The following FBXL17 variants were observed in gnomAD, a reference collection of about 807,000 sequenced individuals.
FBXL17 encodes the protein F-box/LRR-repeat protein 17.
FBXL17 carries 22 observed loss-of-function variants against 66.2 expected under a neutral mutation model. The ratio of observed to expected loss-of-function variants is 0.33; its 90% CI spans 0.24 to 0.47. The LOEUF is 0.47. FBXL17 is among the 20% of genes least tolerant of loss of function. The probability of loss-of-function intolerance (pLI) is 1.00; values close to 1 mark genes in which losing one functional copy is unlikely to be tolerated. For synonymous variants in FBXL17, 474 were observed against 400.5 expected (o/e 1.18, Z -2.19); for missense variants, 878 against 948.2 (o/e 0.93, Z 0.97).
At chr5:107,974,882 A>G (rs1752518458) in intron 7 of FBXL17, among the ~76,000 whole-genome samples, 1 of 152,154 alleles carries the variant, frequency 6.6e-6, no homozygotes, top group Admixed American at 6.5e-5. Context: ...AAAAAATCTG[A>G]GCTGTGATGT....
At chr5:108,067,216 C>T (rs1006864694) in intron 6 of FBXL17, among the ~76,000 whole-genome samples, 6 of 151,678 alleles carry the variant, frequency 4.0e-5, no homozygotes, top group Non-Finnish European at 4.4e-5. Flanking sequence ...TGTTAATGAC[C>T]CTAACAGTAT....
In FBXL17 at chr5:107,902,810, G is replaced by A. The variant is rs72795959; in HGVS notation, c.1823-21631C>T. ...GCACTTTGTGGTATCTATTTTAATT[G>A]CACAAAGTGTTTTTTTTTTTAATAA... On this transcript the variant is annotated intron_variant, in intron 7 of 8. Transcript: ENST00000542267. 9.2e-3 allele frequency among the ~76,000 whole-genome samples: 1,399 copies of A among 151,810 alleles called. 15 individuals carry two copies. Among genetic ancestry groups the A allele is most frequent in the East Asian group, 0.013 (69 of 5,174 alleles).
intron 4 of FBXL17, among the ~76,000 whole-genome samples, chr5:108,303,513 T>C (rs1308009512): frequency 6.6e-6 from 1 of 151,904 alleles, no homozygotes; most frequent in African/African-American, 2.4e-5. Flanking sequence ...GAAATAATTC[T>C]GAATTTAAAA....
chr5:108,216,212 A>T (rs182997839), intron 5 of FBXL17, among the ~76,000 whole-genome samples: 164 of 152,012 alleles, frequency 1.1e-3, no homozygotes, highest in South Asian at 1.7e-3. Context: ...TCAATATCAG[A>T]TTTTCCATTA....
intron 6 of FBXL17, among the ~76,000 whole-genome samples, chr5:108,031,273 A>G (rs1580350677): frequency 6.6e-6 from 1 of 152,270 alleles, no homozygotes; most frequent in East Asian, 1.9e-4. Flanking sequence ...ACTTATATTT[A>G]GCTGTATTCG....
chr5:108,271,789 G>C (rs1037597865), intron 4 of FBXL17, among the ~76,000 whole-genome samples: 2 of 152,130 alleles, frequency 1.3e-5, no homozygotes, highest in African/African-American at 4.8e-5. Context: ...TAGAACTAGG[G>C]AGGAAGCGTT....
chr5:108,024,875 T>C (rs1440797685), intron 6 of FBXL17, among the ~76,000 whole-genome samples: 2 of 152,200 alleles, frequency 1.3e-5, no homozygotes, highest in African/African-American at 4.8e-5. Flanking sequence ...AGGCATTACT[T>C]ACTTTCAGTG....
chr5:107,915,627 G>A (rs767594002), intron 7 of FBXL17, among the ~76,000 whole-genome samples: 48 of 152,256 alleles, frequency 3.2e-4, no homozygotes, highest in Middle Eastern at 3.4e-3. Flanking sequence ...CTAGTCTTGG[G>A]ACATATAATT....
chr5:107,945,345 C>T (rs940453659), intron 7 of FBXL17, among the ~76,000 whole-genome samples: 3 of 151,952 alleles, frequency 2.0e-5, no homozygotes, highest in Non-Finnish European at 2.9e-5. Flanking sequence ...CTTTGGAGAG[C>T]AAATTGGCAA....
intron 4 of FBXL17, among the ~76,000 whole-genome samples, chr5:108,231,874 C>T (rs1453900904): frequency 6.6e-6 from 1 of 152,076 alleles, no homozygotes; most frequent in African/African-American, 2.4e-5. Flanking sequence ...TTACCATGCC[C>T]TGTGATTAAG....
intron 1 of FBXL17, among the ~76,000 whole-genome samples, chr5:108,379,302 G>C (rs1437155932): frequency 2.0e-5 from 3 of 152,068 alleles, no homozygotes; most frequent in Admixed American, 6.5e-5. Context: ...AATATTTGTT[G>C]ATATTTTATT....
At chr5:108,298,119 T>C in intron 4 of FBXL17, 6 of 960,880 alleles carry the variant, frequency 6.2e-6, no homozygotes, top group Non-Finnish European at 7.4e-6. Context: ...AATTTACTAT[T>C]ATATAACTAA....
chr5:108,178,585 G>A (rs1261525804), intron 6 of FBXL17, among the ~76,000 whole-genome samples: 4 of 152,060 alleles, frequency 2.6e-5, no homozygotes, highest in African/African-American at 4.8e-5. Flanking sequence ...TACAAATAAT[G>A]TCATAGACAA....
intron 4 of FBXL17, among the ~76,000 whole-genome samples, chr5:108,257,655 T>C (rs1273500436): frequency 6.6e-6 from 1 of 152,142 alleles, no homozygotes; most frequent in Non-Finnish European, 1.5e-5. Context: ...ACTAAATCCT[T>C]TCCAGGTTCA....
chr5:108,192,008 C>T (rs1261227491), intron 5 of FBXL17, among the ~76,000 whole-genome samples: 3 of 152,136 alleles, frequency 2.0e-5, no homozygotes, highest in Non-Finnish European at 4.4e-5. Context: ...TTCCAAGAGA[C>T]GAATCCCCAG....
chr5:107,917,921 A>C (rs1035653881), intron 7 of FBXL17, among the ~76,000 whole-genome samples: 1 of 152,240 alleles, frequency 6.6e-6, no homozygotes, highest in African/African-American at 2.4e-5. Flanking sequence ...TTCAGAAAGA[A>C]GTAGATTATT....
At chr5:107,882,866 G>A (rs1748837375) in intron 7 of FBXL17, among the ~76,000 whole-genome samples, 1 of 152,286 alleles carries the variant, frequency 6.6e-6, no homozygotes, top group Admixed American at 6.5e-5. Flanking sequence ...TAGATTTTGT[G>A]CAGTTGTTTC....
chr5:108,238,735 T>A (rs1324190146), intron 4 of FBXL17, among the ~76,000 whole-genome samples: 1 of 152,074 alleles, frequency 6.6e-6, no homozygotes, highest in African/African-American at 2.4e-5. Flanking sequence ...CCCAGGCTGG[T>A]TTTGAACTTA....
chr5:108,269,826 C>T (rs572251418), intron 4 of FBXL17, among the ~76,000 whole-genome samples: 24 of 152,126 alleles, frequency 1.6e-4, no homozygotes, highest in South Asian at 8.3e-4. Flanking sequence ...ATCTTTTAGA[C>T]GAGGGTTTGT....
Sources: allele counts gnomAD v4.1 joint callset (sites outside exome capture counted in the v4.1 genomes callset), GRCh38; gene constraint gnomAD v4.1.1; transcripts MANE v1.5; gene names NCBI Gene and HGNC (gene_info 2026-07-23, HGNC 2026-07-21).